The following GRM1 variants were observed in gnomAD, a reference collection of about 807,000 sequenced individuals.
GRM1 encodes glutamate metabotropic receptor 1.
In GRM1, 33 loss-of-function variants were observed where a neutral mutation model predicts 90.9. The ratio of observed to expected loss-of-function variants is 0.36; its 90% CI spans 0.28 to 0.49. The LOEUF (loss-of-function observed/expected upper bound fraction) is 0.49, where lower values mean the gene tolerates loss of function less well. Among genes scored for constraint, GRM1 ranks in the 20% least tolerant of loss-of-function variants. GRM1 has a pLI of 0.99. For missense variants in GRM1, 1,190 were observed against 1,534.3 expected, an observed-to-expected ratio of 0.78 and a Z score of 3.75; for synonymous variants, 700 against 613.2, an observed-to-expected ratio of 1.14 and a Z score of -2.09.
intron 5 of GRM1, among the ~76,000 whole-genome samples, chr6:146,363,173 G>C (rs1462477027): frequency 6.6e-6 from 1 of 152,082 alleles, no homozygotes; most frequent in Non-Finnish European, 1.5e-5. Flanking sequence ...TTAATTTTCA[G>C]ATCGACACCT....
At chr6:146,094,152 T>C (rs1562459165) in intron 1 of GRM1, among the ~76,000 whole-genome samples, 1 of 152,142 alleles carries the variant, frequency 6.6e-6, no homozygotes, top group South Asian at 2.1e-4. Flanking sequence ...AAGAAGAATT[T>C]GTTAACCGTA....
intron 2 of GRM1, among the ~76,000 whole-genome samples, chr6:146,291,023 T>C (rs1782962293): frequency 6.6e-6 from 1 of 152,166 alleles, no homozygotes; most frequent in Non-Finnish European, 1.5e-5. Context: ...GACCTGTGAC[T>C]ATGTTATATT....
intron 2 of GRM1, among the ~76,000 whole-genome samples, chr6:146,274,928 G>T (rs1782298952): frequency 6.6e-6 from 1 of 152,138 alleles, no homozygotes; most frequent in Non-Finnish European, 1.5e-5. Flanking sequence ...CACTCAGGAG[G>T]CTGAGGCACA....
intron 2 of GRM1, among the ~76,000 whole-genome samples, chr6:146,193,557 C>T (rs1032703766): frequency 6.6e-6 from 1 of 152,060 alleles, no homozygotes; most frequent in African/African-American, 2.4e-5. Context: ...ATGTATTTAG[C>T]CACTGATGCT....
At chr6:146,317,930 A>G (rs1784033510) in intron 3 of GRM1, among the ~76,000 whole-genome samples, 2 of 152,224 alleles carry the variant, frequency 1.3e-5, no homozygotes, top group South Asian at 4.1e-4. Context: ...CAAACTAATA[A>G]ACCAGGCTTA....
chr6:146,156,720 A>C (rs1562497990), intron 1 of GRM1, among the ~76,000 whole-genome samples: 1 of 152,230 alleles, frequency 6.6e-6, no homozygotes, highest in Non-Finnish European at 1.5e-5. Context: ...TTTTTAAATA[A>C]CCTGACCTAA....
At chr6:146,282,758 A>G (rs1039292085) in intron 2 of GRM1, among the ~76,000 whole-genome samples, 1 of 152,222 alleles carries the variant, frequency 6.6e-6, no homozygotes, top group South Asian at 2.1e-4. Flanking sequence ...TAATAAAAAA[A>G]GGATGTAAAA....
chr6:146,401,810 T>TTCTA (rs1777168523), intron 7 of GRM1, among the ~76,000 whole-genome samples: 1 of 152,308 alleles, frequency 6.6e-6, no homozygotes, highest in Non-Finnish European at 1.5e-5. Flanking sequence ...CTCCCAGTGA[T>TTCTA]TCTATGTACA....
intron 2 of GRM1, among the ~76,000 whole-genome samples, chr6:146,208,172 C>T (rs149058824): frequency 9.9e-5 from 15 of 152,078 alleles, no homozygotes; most frequent in African/African-American, 2.9e-4. Context: ...GGGCTTACAG[C>T]GACTTAGATA....
At chr6:146,223,341 T>A (rs1780135112) in intron 2 of GRM1, among the ~76,000 whole-genome samples, 1 of 152,112 alleles carries the variant, frequency 6.6e-6, no homozygotes, top group Non-Finnish European at 1.5e-5. Context: ...CCTGATTTTA[T>A]CCTTCAGAGC....
chr6:146,226,428 C>T (rs952040754), intron 2 of GRM1, among the ~76,000 whole-genome samples: 23 of 152,136 alleles, frequency 1.5e-4, no homozygotes, highest in African/African-American at 5.3e-4. Flanking sequence ...CCAAAGTATG[C>T]TCTTCCTTTG....
At chr6:146,101,398 T>C (rs1366637222) in intron 1 of GRM1, among the ~76,000 whole-genome samples, 2 of 152,212 alleles carry the variant, frequency 1.3e-5, no homozygotes, top group Non-Finnish European at 2.9e-5. Context: ...ACTCTCTTTA[T>C]TACATGAACA....
intron 7 of GRM1, among the ~76,000 whole-genome samples, chr6:146,429,058 T>C (rs1299943236): frequency 1.3e-5 from 2 of 152,136 alleles, no homozygotes; most frequent in Non-Finnish European, 1.5e-5. Context: ...TCATATAACT[T>C]GAGGATGTAG....
At chr6:146,031,792 G>C (rs776823896) in intron 1 of GRM1, among the ~76,000 whole-genome samples, 10 of 152,108 alleles carry the variant, frequency 6.6e-5, no homozygotes, top group Non-Finnish European at 1.3e-4. Flanking sequence ...CATCCTGAAA[G>C]AGCAAGTTAA....
chr6:146,260,947 T>G (rs1204160094), intron 2 of GRM1, among the ~76,000 whole-genome samples: 1 of 151,340 alleles, frequency 6.6e-6, no homozygotes, highest in Non-Finnish European at 1.5e-5. Context: ...TTTTAGCATC[T>G]AGATACTGCT....
chr6:146,192,849 A>G (rs778677341), intron 2 of GRM1, among the ~76,000 whole-genome samples: 2 of 152,180 alleles, frequency 1.3e-5, no homozygotes, highest in Non-Finnish European at 2.9e-5. Flanking sequence ...TCTGCCTGCT[A>G]TATGGACTGT....
intron 4 of GRM1, 80 bp from the exon 5 acceptor site, chr6:146,357,446 T>G: frequency 8.8e-7 from 1 of 1,137,046 alleles, no homozygotes; most frequent in Non-Finnish European, 1.3e-6. Context: ...CTTGTTTCTA[T>G]TATTATCTAC....
Position 146,098,161 on chromosome 6 carries a change from T to C in GRM1, c.701-61187T>C, listed in dbSNP as rs141913929. Among the ~76,000 whole-genome samples the C allele has an allele frequency of 8.0e-3, 1,223 of 152,322 alleles. 17 individuals are homozygous for C. Among genetic ancestry groups the C allele is most frequent in the African/African-American group, 0.028 (1,160 of 41,576 alleles). On this transcript the variant is annotated intron_variant, in intron 1 of 7. Transcript: ENST00000282753. Reference sequence around the variant, plus strand: ...TGTACCAAATTAGTCTTCAAAATTGTATACTAAAGAACCAGGGAGACAATG... The same window carrying C: ...TGTACCAAATTAGTCTTCAAAATTGCATACTAAAGAACCAGGGAGACAATG...
chr6:146,200,072 A>T (rs1329847212), intron 2 of GRM1, among the ~76,000 whole-genome samples: 2 of 151,822 alleles, frequency 1.3e-5, no homozygotes, highest in Non-Finnish European at 2.9e-5. Flanking sequence ...AAATGTCTTT[A>T]TCTATGTTTC....
Sources: allele counts gnomAD v4.1 joint callset (sites outside exome capture counted in the v4.1 genomes callset), GRCh38; gene constraint gnomAD v4.1.1; transcripts MANE v1.5; gene names NCBI Gene and HGNC (gene_info 2026-07-23, HGNC 2026-07-21).